SPIRE1: variants seen among roughly 807,000 people sequenced by gnomAD.
SPIRE1 encodes the protein protein spire homolog 1.
Under a neutral mutation model 94.1 loss-of-function variants are expected in SPIRE1, and 40 were observed. The ratio of observed to expected loss-of-function variants is 0.43; its 90% CI spans 0.33 to 0.55. SPIRE1 has a LOEUF of 0.55. Ranked by LOEUF, SPIRE1 falls within the 20% of genes least tolerant of loss-of-function variation. The pLI is 0.06. For synonymous variants in SPIRE1, 376 were observed against 371.7 expected, an observed-to-expected ratio of 1.01 and a Z score of -0.13; for missense variants, 838 against 975.2, an observed-to-expected ratio of 0.86 and a Z score of 1.87.
chr18:12,626,888 T>A (rs11420868), intron 2 of SPIRE1, among the ~76,000 whole-genome samples: 11,448 of 45,134 alleles, frequency 0.25, 509 homozygotes, highest in Non-Finnish European at 0.33. Context: ...ATATATATAT[T>A]TTTTTTTTTT....
chr18:12,470,635 A>C lies in SPIRE1; in HGVS notation c.1405-5677T>G, dbSNP rs536566010. Among the ~76,000 whole-genome samples the C allele has an allele frequency of 2.0e-5, 3 of 152,080 alleles. No individual in the cohort carries two copies. The South Asian group carries it at 6.2e-4, about 31-fold the overall frequency. Reference sequence around the variant, plus strand: ...GGTGTGTGAGTACACACGTGTGTGCATATGTGTGGGTACATGCATGTGCAT... The same window carrying C: ...GGTGTGTGAGTACACACGTGTGTGCCTATGTGTGGGTACATGCATGTGCAT... On this transcript the variant is annotated intron_variant, in intron 10 of 16. Transcript: ENST00000409402.
At chr18:12,658,621 C>T (rs779218999), upstream of SPIRE1, 3 of 470,194 alleles carry the variant, frequency 6.4e-6, no homozygotes, top group Non-Finnish European at 1.3e-5. Context: ...CCGCCTGGAG[C>T]GGATGCCTAA....
intron 2 of SPIRE1, among the ~76,000 whole-genome samples, chr18:12,617,979 A>T (rs1163932968): frequency 6.6e-6 from 1 of 152,234 alleles, no homozygotes; most frequent in East Asian, 1.9e-4. Context: ...GATGTAAAAA[A>T]AATTTATATT....
chr18:12,626,887 T>TATATATATATATA (rs1555634099), intron 2 of SPIRE1, among the ~76,000 whole-genome samples: 98 of 53,514 alleles, frequency 1.8e-3, no homozygotes, highest in African/African-American at 3.8e-3. Context: ...TATATATATA[T>TATATATATATATA]TTTTTTTTTT....
chr18:12,467,146 C>CA (rs2032141490), intron 10 of SPIRE1, among the ~76,000 whole-genome samples: 1 of 152,140 alleles, frequency 6.6e-6, no homozygotes, highest in African/African-American at 2.4e-5. Flanking sequence ...TGGATGGTGG[C>CA]AGGCGCCTGT....
intron 2 of SPIRE1, among the ~76,000 whole-genome samples, chr18:12,611,116 A>G (rs2037129031): frequency 6.6e-6 from 1 of 152,148 alleles, no homozygotes; most frequent in Non-Finnish European, 1.5e-5. Context: ...CAAATATGTT[A>G]TTGTTTCCAT....
intron 2 of SPIRE1, among the ~76,000 whole-genome samples, chr18:12,561,125 TAAAAAGA>T: frequency 6.6e-6 from 1 of 152,058 alleles, no homozygotes; most frequent in South Asian, 2.1e-4. Flanking sequence ...CCCCACAAAT[TAAAAAGA>T]AAAAAGAAAT....
intron 2 of SPIRE1, among the ~76,000 whole-genome samples, chr18:12,591,712 T>C (rs1035418139): frequency 2.6e-5 from 4 of 152,086 alleles, no homozygotes; most frequent in South Asian, 4.1e-4. Flanking sequence ...GCGTGGTGGA[T>C]CACGCCTGTA....
At chr18:12,593,216 T>C (rs1418626841) in intron 2 of SPIRE1, among the ~76,000 whole-genome samples, 1 of 152,236 alleles carries the variant, frequency 6.6e-6, no homozygotes, top group Non-Finnish European at 1.5e-5. Flanking sequence ...ACCTATTAAC[T>C]GTCTCTACTT....
In SPIRE1 at chr18:12,538,775, T is replaced by C. The variant is rs544868924; in HGVS notation, c.604-3174A>G. ...AATGATCCTGCCTCAGCCTCCTGAA[T>C]AGCTGGGATTACAGGTGTGTGGCAC... On this transcript the variant is annotated intron_variant, in intron 3 of 16. Transcript: ENST00000409402. Among the ~76,000 whole-genome samples the C allele has an allele frequency of 2.0e-5, 3 of 152,326 alleles. No individual in the cohort carries two copies. The East Asian group carries it at 5.8e-4, about 29-fold the overall frequency.
Position 12,653,344 on chromosome 18 carries a change from C to T in SPIRE1, c.337+4186G>A, listed in dbSNP as rs1024720720. ...ACAGTATAGTGGTGAGAAAGGACCACAGGATTAGAGGAAGAAGGAAACTAA... is the reference window on the plus strand; with the variant it reads ...ACAGTATAGTGGTGAGAAAGGACCATAGGATTAGAGGAAGAAGGAAACTAA... On this transcript the variant is annotated intron_variant, in intron 1 of 16. Transcript: ENST00000409402. 5 of 152,226 alleles carry T rather than the reference C, an allele frequency of 3.3e-5. No homozygotes were observed. The East Asian group carries it at 9.6e-4, about 29-fold the overall frequency. The allele number at this position is 152,226 out of a possible 1,614,324, so 9.4% of individuals were successfully genotyped here. A position where few individuals can be genotyped will look rare whatever the true frequency, so the allele number is the denominator to read the frequency against.
chr18:12,460,207 T>C (rs901893013), intron 12 of SPIRE1, among the ~76,000 whole-genome samples: 1 of 152,176 alleles, frequency 6.6e-6, no homozygotes, highest in Admixed American at 6.5e-5. Flanking sequence ...TCAGTGGGGC[T>C]TGTTGTGATG....
At chr18:12,483,612 T>C (rs2032923423) in intron 9 of SPIRE1, among the ~76,000 whole-genome samples, 1 of 152,186 alleles carries the variant, frequency 6.6e-6, no homozygotes, top group Non-Finnish European at 1.5e-5. Context: ...TAAGTTATAC[T>C]TACCATAAGT....
At chr18:12,488,302 G>T (rs2033110035) in intron 8 of SPIRE1, among the ~76,000 whole-genome samples, 1 of 152,120 alleles carries the variant, frequency 6.6e-6, no homozygotes, top group South Asian at 2.1e-4. Context: ...AAACTCTGTT[G>T]TCACCAAAGA....
intron 2 of SPIRE1, among the ~76,000 whole-genome samples, chr18:12,606,084 A>C (rs1382835097): frequency 6.6e-6 from 1 of 152,168 alleles, no homozygotes; most frequent in Non-Finnish European, 1.5e-5. Context: ...AAATTGAAAA[A>C]TGGAATTGAA....
chr18:12,603,519 C>A (rs1225525419), intron 2 of SPIRE1, among the ~76,000 whole-genome samples: 1 of 151,586 alleles, frequency 6.6e-6, no homozygotes, highest in African/African-American at 2.4e-5. Context: ...GGACTTTCAG[C>A]ACCAACTCCA....
rs561737272 is a variant in SPIRE1 at position 12,612,154 on chromosome 18, A to G, written c.372+22908T>C. On this transcript the variant is annotated intron_variant, in intron 2 of 16. Transcript: ENST00000409402. Reference sequence around the variant, plus strand: ...GCTTGTCAATAACCACTATGTTGTCAAACTCAATAATCAATTCTTAGCTTT... The same window carrying G: ...GCTTGTCAATAACCACTATGTTGTCGAACTCAATAATCAATTCTTAGCTTT... Among the ~76,000 whole-genome samples the G allele has an allele frequency of 2.0e-5, 3 of 152,246 alleles. No homozygotes were observed. The South Asian group carries it at 6.2e-4, about 32-fold the overall frequency.
intron 6 of SPIRE1, among the ~76,000 whole-genome samples, chr18:12,499,095 A>C (rs1001273187): frequency 2.6e-5 from 4 of 152,204 alleles, no homozygotes; most frequent in African/African-American, 4.8e-5. Context: ...AAACAGAACC[A>C]TTAATGATGA....
At chr18:12,489,715 T>G (rs2033165155) in intron 8 of SPIRE1, among the ~76,000 whole-genome samples, 1 of 152,184 alleles carries the variant, frequency 6.6e-6, no homozygotes, top group African/African-American at 2.4e-5. Flanking sequence ...ATAAATCGTA[T>G]TTGGAGTCAT....
Sources: allele counts gnomAD v4.1 joint callset (sites outside exome capture counted in the v4.1 genomes callset), GRCh38; gene constraint gnomAD v4.1.1; transcripts MANE v1.5; gene names NCBI Gene and HGNC (gene_info 2026-07-23, HGNC 2026-07-21).